Variants in FOXP1 observed in about 807,000 individuals in gnomAD.
The protein encoded by FOXP1 is forkhead box protein P1.
Under a neutral mutation model 98.2 loss-of-function variants are expected in FOXP1, and 15 were observed. The ratio of observed to expected loss-of-function variants is 0.15; its 90% CI spans 0.10 to 0.24. The LOEUF (loss-of-function observed/expected upper bound fraction) is 0.24. Among genes scored for constraint, FOXP1 ranks in the 10% least tolerant of loss-of-function variants. FOXP1 has a pLI of 1.00. For synonymous variants in FOXP1, 371 were observed against 314.5 expected (o/e 1.18, Z -1.90); for missense variants, 633 against 848.5 (o/e 0.75, Z 3.15).
intron 2 of FOXP1, among the ~76,000 whole-genome samples, chr3:71,560,314 G>C (rs1275075175): frequency 6.6e-6 from 1 of 152,180 alleles, no homozygotes; most frequent in Non-Finnish European, 1.5e-5. Flanking sequence ...ACATCTTCCA[G>C]GCCTAGAAAG....
chr3:71,207,891 C>T (rs2064166172), intron 5 of FOXP1, among the ~76,000 whole-genome samples: 3 of 152,134 alleles, frequency 2.0e-5, no homozygotes, highest in Admixed American at 6.6e-5. Flanking sequence ...AGATAAAGAG[C>T]CACATGCTTG....
chr3:71,311,413 G>A (rs960924979), intron 4 of FOXP1, among the ~76,000 whole-genome samples: 1 of 152,208 alleles, frequency 6.6e-6, no homozygotes, highest in African/African-American at 2.4e-5. Flanking sequence ...TCCCAGTACA[G>A]AGCAGTGGCT....
At chr3:71,283,933 A>C (rs1576760110) in intron 5 of FOXP1, among the ~76,000 whole-genome samples, 2 of 151,966 alleles carry the variant, frequency 1.3e-5, no homozygotes, top group African/African-American at 4.8e-5. Flanking sequence ...TTTTCTCATC[A>C]CCCTGGCTTT....
intron 6 of FOXP1, among the ~76,000 whole-genome samples, chr3:71,184,240 C>T (rs2062510804): frequency 6.6e-6 from 1 of 152,200 alleles, no homozygotes; most frequent in South Asian, 2.1e-4. Context: ...TAGAGCCACT[C>T]AGTAAAATTG....
chr3:70,973,364 G>A (rs1021382059), intron 17 of FOXP1, among the ~76,000 whole-genome samples: 1 of 151,782 alleles, frequency 6.6e-6, no homozygotes, highest in Admixed American at 6.6e-5. Context: ...AAAGGAACAC[G>A]AGTGGAACTC....
intron 12 of FOXP1, among the ~76,000 whole-genome samples, chr3:71,013,717 G>C (rs2044011653): frequency 6.6e-6 from 1 of 152,158 alleles, no homozygotes; most frequent in Non-Finnish European, 1.5e-5. Context: ...AAAGAACAAA[G>C]CTGGAGGCAT....
At chr3:71,563,022 G>A (rs2046651912) in intron 2 of FOXP1, among the ~76,000 whole-genome samples, 1 of 152,140 alleles carries the variant, frequency 6.6e-6, no homozygotes, top group Non-Finnish European at 1.5e-5. Context: ...CAGAATGTGA[G>A]CCTGCTGAGG....
At chr3:71,070,000 C>A (rs1004481682) in intron 7 of FOXP1, among the ~76,000 whole-genome samples, 1 of 152,156 alleles carries the variant, frequency 6.6e-6, no homozygotes, top group African/African-American at 2.4e-5. Flanking sequence ...TCCTCTGACC[C>A]TAGGTTGACA....
intron 4 of FOXP1, among the ~76,000 whole-genome samples, chr3:71,326,240 G>C (rs1653984): frequency 0.11 from 16,396 of 152,200 alleles, 957 homozygotes; most frequent in South Asian, 0.16. Context: ...ATCACCTTAA[G>C]ATCAGTGCTG....
intron 7 of FOXP1, among the ~76,000 whole-genome samples, chr3:71,063,769 T>C (rs564094861): frequency 6.6e-6 from 1 of 152,240 alleles, no homozygotes; most frequent in African/African-American, 2.4e-5. Flanking sequence ...TTGGTTTGAT[T>C]AGAACATTTG....
chr3:70,969,067 A>G (rs1345939648), intron 19 of FOXP1: 1 of 152,160 alleles, frequency 6.6e-6, no homozygotes, highest in Non-Finnish European at 1.5e-5. Flanking sequence ...ATGACAAAGC[A>G]TACTAATTGA....
intron 5 of FOXP1, among the ~76,000 whole-genome samples, chr3:71,283,107 A>C (rs552365539): frequency 7.8e-4 from 119 of 152,342 alleles, no homozygotes; most frequent in African/African-American, 2.7e-3. Flanking sequence ...ACTGGTGCTG[A>C]GTGCAGGGAA....
At chr3:71,549,096 G>A (rs1389054223) in intron 2 of FOXP1, among the ~76,000 whole-genome samples, 1 of 152,100 alleles carries the variant, frequency 6.6e-6, no homozygotes, top group African/African-American at 2.4e-5. Context: ...GCTGCTAAGG[G>A]CCCACCAGTT....
chr3:70,967,710 G>GTTTTTTTTTTTTTTTTTTT (rs756777959), intron 19 of FOXP1, among the ~76,000 whole-genome samples: 7 of 68,868 alleles, frequency 1.0e-4, no homozygotes, highest in East Asian at 5.1e-4. Context: ...GTTTTTTTTT[G>GTTTTTTTTTTTTTTTTTTT]TTTTTTTTTT....
intron 11 of FOXP1, among the ~76,000 whole-genome samples, chr3:71,039,958 A>G (rs1452774207): frequency 6.6e-6 from 1 of 152,122 alleles, no homozygotes; most frequent in African/African-American, 2.4e-5. Context: ...TGCATCTTTT[A>G]GTTCTTCGGT....
At chr3:71,333,841 G>T (rs1485200155) in intron 4 of FOXP1, 1 of 151,154 alleles carries the variant, frequency 6.6e-6, no homozygotes, top group African/African-American at 2.4e-5. Context: ...CAAAACAAAA[G>T]AAAATAAACA....
At chr3:71,204,134 G>A (rs1431430353) in intron 5 of FOXP1, among the ~76,000 whole-genome samples, 6 of 152,188 alleles carry the variant, frequency 3.9e-5, no homozygotes, top group Non-Finnish European at 7.3e-5. Context: ...AGCTCTAAGA[G>A]AGGTACTTTT....
chr3:71,263,049 A>G (rs2069309401), intron 5 of FOXP1, among the ~76,000 whole-genome samples: 1 of 152,224 alleles, frequency 6.6e-6, no homozygotes. Flanking sequence ...GGAGACCCTG[A>G]AAGTGATTCA....
intron 6 of FOXP1, among the ~76,000 whole-genome samples, chr3:71,118,717 G>A (rs1024628477): frequency 1.3e-5 from 2 of 152,156 alleles, no homozygotes; most frequent in Admixed American, 1.3e-4. Context: ...CATGATATAA[G>A]AATGGTTTTT....
Sources: gnomAD v4.1 joint callset for allele counts (sites outside exome capture counted in the v4.1 genomes callset) on GRCh38, gnomAD v4.1.1 for gene constraint, MANE v1.5 for transcripts, NCBI Gene and HGNC (gene_info 2026-07-23, HGNC 2026-07-21) for gene names.